Variants in MGAT4C observed in about 807,000 individuals in gnomAD.
The protein encoded by MGAT4C is alpha-1,3-mannosyl-glycoprotein 4-beta-N-acetylglucosaminyltransferase C.
MGAT4C carries 19 observed loss-of-function variants against 40.1 expected under a neutral mutation model. That is an observed-to-expected ratio of 0.47 (90% CI 0.33 to 0.70). The LOEUF is 0.70. Ranked by LOEUF, MGAT4C falls within the 30% of genes least tolerant of loss-of-function variation. MGAT4C has a pLI of 0.02. For missense variants in MGAT4C, 491 were observed against 563.2 expected, an observed-to-expected ratio of 0.87 and a Z score of 1.30; for synonymous variants, 181 against 187.1, an observed-to-expected ratio of 0.97 and a Z score of 0.27.
intron 2 of MGAT4C, among the ~76,000 whole-genome samples, chr12:86,468,868 T>C (rs893485601): frequency 2.6e-5 from 4 of 152,182 alleles, no homozygotes; most frequent in Non-Finnish European, 5.9e-5. Flanking sequence ...ATGAACACTG[T>C]TGTAAATTAC....
intron 1 of MGAT4C, among the ~76,000 whole-genome samples, chr12:86,191,857 A>G (rs928672508): frequency 3.4e-5 from 5 of 148,124 alleles, no homozygotes; most frequent in African/African-American, 4.9e-5. Context: ...ATGTCCATCA[A>G]TGATAGATTG....
intron 1 of MGAT4C, among the ~76,000 whole-genome samples, chr12:86,823,199 T>G (rs1219362680): frequency 2.8e-5 from 4 of 142,330 alleles, no homozygotes; most frequent in Non-Finnish European, 6.2e-5. Context: ...ATAATCAAAT[T>G]GCACATTTCA....
chr12:86,493,006 C>T lies in MGAT4C; in HGVS notation c.-228-57741G>A, dbSNP rs1592914411. 4.0e-5 allele frequency among the ~76,000 whole-genome samples: 6 copies of T among 151,396 alleles called. 1 individual carries two copies. The South Asian group carries it at 1.2e-3, about 31-fold the overall frequency. ...GTGAAGGACATGAACAGACACTTCTCAAAAGAAGACATTTATGCAGCCAAA... is the reference window on the plus strand; with the variant it reads ...GTGAAGGACATGAACAGACACTTCTTAAAAGAAGACATTTATGCAGCCAAA... On this transcript the variant is annotated intron_variant, in intron 2 of 7. Coordinates refer to the MGAT4C transcript ENST00000548651.
intron 1 of MGAT4C, among the ~76,000 whole-genome samples, chr12:86,813,668 G>C (rs1347661284): frequency 1.3e-5 from 2 of 151,758 alleles, no homozygotes; most frequent in African/African-American, 4.8e-5. Flanking sequence ...ATTGCCTTAG[G>C]TTTTAACACT....
intron 3 of MGAT4C, among the ~76,000 whole-genome samples, chr12:86,406,429 A>G (rs555083880): frequency 6.6e-6 from 1 of 152,198 alleles, no homozygotes; most frequent in African/African-American, 2.4e-5. Flanking sequence ...ACACAGCTAA[A>G]GATAGGAAGA....
intron 2 of MGAT4C, among the ~76,000 whole-genome samples, chr12:86,639,544 A>G (rs1363481596): frequency 6.6e-6 from 1 of 151,798 alleles, no homozygotes; most frequent in East Asian, 1.9e-4. Context: ...ACCATAAGAA[A>G]AAATACATTT....
chr12:86,302,413 G>T (rs1953835774), intron 4 of MGAT4C, among the ~76,000 whole-genome samples: 1 of 149,424 alleles, frequency 6.7e-6, no homozygotes, highest in Admixed American at 6.6e-5. Context: ...TGGTTGGTTG[G>T]TTGGTTGGTT....
chr12:86,514,608 C>T (rs1958651678), intron 2 of MGAT4C, among the ~76,000 whole-genome samples: 1 of 152,196 alleles, frequency 6.6e-6, no homozygotes, highest in Non-Finnish European at 1.5e-5. Context: ...CTCTCTGACT[C>T]TCTATCTTCT....
intron 2 of MGAT4C, among the ~76,000 whole-genome samples, chr12:86,466,206 G>A (rs541767759): frequency 3.1e-3 from 130 of 41,592 alleles, no homozygotes; most frequent in African/African-American, 9.9e-3. Context: ...TCAAGACTCC[G>A]TCAAAAAAAA....
intron 1 of MGAT4C, among the ~76,000 whole-genome samples, chr12:86,207,611 AAG>A (rs1566146709): frequency 6.6e-6 from 1 of 152,238 alleles, no homozygotes; most frequent in Non-Finnish European, 1.5e-5. Flanking sequence ...GAATAAAAAA[AAG>A]ATTTGCTGAC....
rs1313059995 is a variant in MGAT4C, at chr12:85,967,063, T to C, written c.*12226A>G. The stretch of plus-strand genomic sequence containing the variant: ...AGTATAATAATAAAAAAATTCTTAG[T>C]TATTTGAAAATAGTTTTTTTGAATT... On this transcript the variant is annotated 3_prime_UTR_variant, in exon 5 of 5. Coordinates refer to ENST00000611864, the MANE Select transcript of MGAT4C (RefSeq NM_001351288.2). 1 of 152,142 alleles carries C rather than the reference T, an allele frequency of 6.6e-6. No homozygotes were observed. Among genetic ancestry groups the C allele is most frequent in the East Asian group, 1.9e-4 (1 of 5,192 alleles). The allele number at this position is 152,142 out of a possible 1,614,324, so 9.4% of individuals were successfully genotyped here.
At chr12:86,557,495 A>G (rs1362178823) in intron 2 of MGAT4C, among the ~76,000 whole-genome samples, 3 of 152,096 alleles carry the variant, frequency 2.0e-5, no homozygotes, top group East Asian at 1.9e-4. Context: ...GTATGCTCCA[A>G]TGAATACCAC....
At position 86,406,712 on chromosome 12, in the gene MGAT4C, T is replaced by TA. The variant is rs1017480539; in HGVS notation, c.-120+28444dup. Among the ~76,000 whole-genome samples the TA allele has an allele frequency of 4.8e-3, 709 of 146,362 alleles. 3 individuals carry two copies. The highest frequency in any genetic ancestry group is 9.5e-3 in the Admixed American group (139 of 14,602). Reference sequence around the variant, plus strand: ...CTGGAAATCAGTTTGGCAGTTTCTTTAAAAAAAAAAACTAAATGTGCAAAT... The same window carrying TA: ...CTGGAAATCAGTTTGGCAGTTTCTTTAAAAAAAAAAAACTAAATGTGCAAAT... On this transcript the variant is annotated intron_variant, in intron 3 of 7. Transcript: ENST00000548651.
intron 1 of MGAT4C, among the ~76,000 whole-genome samples, chr12:86,783,698 TC>T (rs2136186020): frequency 6.6e-6 from 1 of 152,326 alleles, no homozygotes; most frequent in African/African-American, 2.4e-5. Context: ...TCACTCATTT[TC>T]TTTTTTTAAA....
intron 1 of MGAT4C, among the ~76,000 whole-genome samples, chr12:86,109,239 AC>A (rs1316526807): frequency 6.6e-6 from 1 of 152,124 alleles, no homozygotes; most frequent in Non-Finnish European, 1.5e-5. Context: ...ATTTGTAATA[AC>A]AACAACAACA....
intron 2 of MGAT4C, among the ~76,000 whole-genome samples, chr12:86,008,904 C>T (rs1327406065): frequency 2.0e-5 from 3 of 151,918 alleles, no homozygotes; most frequent in Non-Finnish European, 4.4e-5. Context: ...ATGGATTATA[C>T]TTGCTGATTT....
At chr12:86,586,676 T>C (rs1293785544) in intron 2 of MGAT4C, among the ~76,000 whole-genome samples, 1 of 144,474 alleles carries the variant, frequency 6.9e-6, no homozygotes, top group African/African-American at 2.5e-5. Flanking sequence ...CATTGTGGTT[T>C]TGATTTGCAT....
chr12:86,643,871 T>C (rs948633411), intron 2 of MGAT4C, among the ~76,000 whole-genome samples: 2 of 151,730 alleles, frequency 1.3e-5, no homozygotes, highest in Non-Finnish European at 2.9e-5. Context: ...ATTGTAAAAC[T>C]TTTATGAATA....
intron 1 of MGAT4C, among the ~76,000 whole-genome samples, chr12:86,121,453 C>T (rs147232521): frequency 0.026 from 3,888 of 152,096 alleles, 178 homozygotes; most frequent in African/African-American, 0.088. Flanking sequence ...GTCAGATTCA[C>T]CAAAGTTGAA....
Sources: allele counts gnomAD v4.1 joint callset (sites outside exome capture counted in the v4.1 genomes callset), GRCh38; gene constraint gnomAD v4.1.1; transcripts MANE v1.5; gene names NCBI Gene and HGNC (gene_info 2026-07-23, HGNC 2026-07-21).